MAP3K4: variants seen among roughly 807,000 people sequenced by gnomAD.
MAP3K4 encodes the protein MAP three kinase 1.
MAP3K4 carries 67 observed loss-of-function variants against 185.6 expected under a neutral mutation model. The observed-to-expected ratio is 0.36, with a 90% CI of 0.30 to 0.44. The LOEUF (loss-of-function observed/expected upper bound fraction) is 0.44. MAP3K4 is among the 20% of genes least tolerant of loss of function. The pLI is 1.00. For synonymous variants in MAP3K4, 702 were observed against 710.4 expected (o/e 0.99, Z 0.19); for missense variants, 1,551 against 1,995.1 (o/e 0.78, Z 4.24).
intron 1 of MAP3K4, among the ~76,000 whole-genome samples, chr6:161,020,530 C>T (rs145986201): frequency 6.6e-5 from 10 of 151,886 alleles, no homozygotes; most frequent in Middle Eastern, 3.4e-3. Context: ...TGGTAGTGCG[C>T]GCCTGTAGTC....
chr6:161,102,049 T>A, intron 18 of MAP3K4, 57 bp downstream of exon 18: 1 of 1,407,308 alleles, frequency 7.1e-7, no homozygotes. Context: ...TTGTCTCAGT[T>A]CACCAGTTTC....
At position 161,093,120 on chromosome 6, in the gene MAP3K4, G is replaced by C; in HGVS notation, c.3348+64G>C. The C allele has an allele frequency of 8.9e-7, 1 of 1,128,676 alleles. No homozygotes were observed. The highest frequency in any genetic ancestry group is 1.3e-6 in the Non-Finnish European group (1 of 758,070). 69.9% of individuals were successfully genotyped at this position (1,128,676 alleles called of 1,614,324 possible). A position where few individuals can be genotyped will look rare whatever the true frequency, so the allele number is the denominator to read the frequency against. On this transcript the variant is annotated intron_variant, in intron 14 of 26. Transcript: ENST00000392142. The surrounding 1 kb of genome is among the most constrained non-coding windows in gnomAD (Gnocchi z 5.2). ...GCCAGTCACTCCTTATTTTCTGGTT[G>C]TATATGTTTTATATGTAATAGTGGT...
intron 3 of MAP3K4, among the ~76,000 whole-genome samples, chr6:161,069,649 G>A (rs1360371522): frequency 1.3e-5 from 2 of 152,192 alleles, no homozygotes; most frequent in Admixed American, 1.3e-4. Flanking sequence ...ACTGTCTGCT[G>A]TAATCAGTGC....
chr6:161,057,377 A>G (rs1562511077), intron 3 of MAP3K4, among the ~76,000 whole-genome samples: 1 of 152,242 alleles, frequency 6.6e-6, no homozygotes, highest in Non-Finnish European at 1.5e-5. Flanking sequence ...AAACCAGTTT[A>G]GGTACAGTAG....
chr6:161,004,181 TG>T (rs1171566322), intron 1 of MAP3K4, among the ~76,000 whole-genome samples: 1 of 152,108 alleles, frequency 6.6e-6, no homozygotes, highest in African/African-American at 2.4e-5. Context: ...TGAAAACCAC[TG>T]GCCTGGAAGA....
intron 1 of MAP3K4, among the ~76,000 whole-genome samples, chr6:161,028,868 T>C (rs926357367): frequency 1.3e-5 from 2 of 152,158 alleles, no homozygotes; most frequent in South Asian, 2.1e-4. Flanking sequence ...CAGCTGTAGA[T>C]TGATGATAAA....
intron 3 of MAP3K4, among the ~76,000 whole-genome samples, chr6:161,059,334 A>G (rs1784386887): frequency 6.6e-6 from 1 of 151,986 alleles, no homozygotes; most frequent in Non-Finnish European, 1.5e-5. Flanking sequence ...ATGGGGTTTC[A>G]TTATGTTGGC....
Position 161,049,750 on chromosome 6 carries a change from A to T in MAP3K4, c.1478A>T (p.Lys493Met), listed in dbSNP as rs1783916937. ...DIQSRDCISK[K>M]LERLESEDDS... ...CAGTCGCGGGACTGCATATCCAAGA[A>T]GCTTGAGAGGCTCGAATCTGAGGAT... Residue 493 changes from lysine to methionine, a missense_variant, in exon 3 of 27, where the codon AAG becomes ATG. Physicochemically the swap from Lys to Met is moderately conservative, Grantham distance 95. Around this residue, in one of 16 missense-constraint regions of MAP3K4, gnomAD observed 126 missense variants for 112.8 expected, o/e 1.12. Transcript: ENST00000392142. The surrounding 1 kb of genome is among the most constrained non-coding windows in gnomAD (Gnocchi z 8.4). The T allele has an allele frequency of 6.2e-7, 1 of 1,614,170 alleles. No individual in the cohort carries two copies. Among genetic ancestry groups the T allele is most frequent in the African/African-American group, 1.3e-5 (1 of 75,056 alleles).
At chr6:160,998,783 C>G (rs1781127920) in intron 1 of MAP3K4, among the ~76,000 whole-genome samples, 1 of 152,188 alleles carries the variant, frequency 6.6e-6, no homozygotes, top group South Asian at 2.1e-4. Context: ...AAGCGGTGTA[C>G]TTGAAATGTC....
intron 1 of MAP3K4, among the ~76,000 whole-genome samples, chr6:161,019,004 A>G (rs1182186635): frequency 6.6e-6 from 1 of 152,258 alleles, no homozygotes; most frequent in East Asian, 1.9e-4. Context: ...TGCAATGCAG[A>G]GAGAACAAAG....
At chr6:161,030,772 CTT>C (rs1217413221) in intron 1 of MAP3K4, among the ~76,000 whole-genome samples, 3 of 151,974 alleles carry the variant, frequency 2.0e-5, no homozygotes, top group East Asian at 3.9e-4. Context: ...GTGCTAGACT[CTT>C]TTTAAAAGAA....
In MAP3K4 at chr6:161,114,485, A is replaced by T. The variant is rs1156636246; in HGVS notation, c.4627-638A>T. On this transcript the variant is annotated intron_variant, in intron 25 of 26. Transcript: ENST00000392142. The surrounding 1 kb of genome is among the most constrained non-coding windows in gnomAD (Gnocchi z 4.3). ...AATATTAGCTAGCATTATTTCTATT[A>T]GCATTAAAATAGAAAGGCAGTTGTG... 6.6e-6 allele frequency among the ~76,000 whole-genome samples: 1 copy of T among 152,250 alleles called. No individual in the cohort carries two copies. The highest frequency in any genetic ancestry group is 1.5e-5 in the Non-Finnish European group (1 of 68,040).
chr6:161,075,211 G>A lies in MAP3K4; in HGVS notation c.2097+1599G>A, dbSNP rs1179159762. The stretch of plus-strand genomic sequence containing the variant: ...GCTCTGTCACCTAGACTGAAACGCA[G>A]TGGTGTGTTGACGGCTTCCTGTAGT... On this transcript the variant is annotated intron_variant, in intron 5 of 26. Transcript: ENST00000392142. This position sits in a 1 kb window ranked among gnomAD's most constrained non-coding sequence, Gnocchi z 4.3. 6.6e-6 allele frequency among the ~76,000 whole-genome samples: 1 copy of A among 152,212 alleles called. No homozygotes were observed. The highest frequency in any genetic ancestry group is 2.4e-5 in the African/African-American group (1 of 41,458).
In MAP3K4 at chr6:161,096,816, AT is replaced by A. The variant is rs145099919; in HGVS notation, c.3428-262del. 0.011 allele frequency: 4,017 copies of A among 354,892 alleles called. 161 individuals are homozygous for A. Among genetic ancestry groups the A allele is most frequent in the African/African-American group, 0.076 (3,679 of 48,600 alleles). 22.0% of individuals were successfully genotyped at this position (354,892 alleles called of 1,614,324 possible). ...GGGTTAAATCATTTGTTTAGCTTAC[AT>A]TATGTATGTTTTACTCCAGGATTTT... is the stretch of plus-strand genomic sequence containing the variant. On this transcript the variant is annotated intron_variant, in intron 15 of 26. Transcript: ENST00000392142. This position sits in a 1 kb window ranked among gnomAD's most constrained non-coding sequence, Gnocchi z 4.9.
intron 1 of MAP3K4, among the ~76,000 whole-genome samples, chr6:161,025,635 G>T (rs1275323242): frequency 6.6e-6 from 1 of 152,164 alleles, no homozygotes; most frequent in East Asian, 1.9e-4. Context: ...TTCTTCAGTT[G>T]CTTGATTTCT....
intron 3 of MAP3K4, among the ~76,000 whole-genome samples, chr6:161,058,509 C>CT (rs1206086708): frequency 6.6e-6 from 1 of 152,108 alleles, no homozygotes; most frequent in African/African-American, 2.4e-5. Context: ...GTATCTAACA[C>CT]TTTTTTAAAA....
chr6:161,109,138 T>G lies in MAP3K4; in HGVS notation c.4236+279T>G, dbSNP rs1778234742. On this transcript the variant is annotated intron_variant, in intron 22 of 26. Transcript: ENST00000392142. This position sits in a 1 kb window ranked among gnomAD's most constrained non-coding sequence, Gnocchi z 5.7. ...CTTCTAAAACGCCCCTTACACCACT[T>G]CTTGTGACTTTTTTTCCGTTTTTTT... 5.2e-6 allele frequency: 4 copies of G among 776,048 alleles called. No homozygotes were observed. The African/African-American group carries it at 7.0e-5, about 14-fold the overall frequency. 48.1% of individuals were successfully genotyped at this position (776,048 alleles called of 1,614,324 possible).
intron 1 of MAP3K4, among the ~76,000 whole-genome samples, chr6:161,000,806 C>CAT (rs1182703698): frequency 3.5e-5 from 5 of 142,596 alleles, no homozygotes; most frequent in East Asian, 3.9e-4. Context: ...TGTGTACACC[C>CAT]ATATATACAC....
chr6:160,997,856 A>C (rs1205429821), intron 1 of MAP3K4, among the ~76,000 whole-genome samples: 1 of 152,044 alleles, frequency 6.6e-6, no homozygotes, highest in East Asian at 1.9e-4. Context: ...GGATTTTTCA[A>C]ATTGGAGCTG....
Sources: allele counts gnomAD v4.1 joint callset (sites outside exome capture counted in the v4.1 genomes callset), GRCh38; gene constraint gnomAD v4.1.1; regional missense constraint gnomAD v4.1.1; non-coding constraint Gnocchi (gnomAD v3.1); transcripts MANE v1.5; gene names NCBI Gene and HGNC (gene_info 2026-07-23, HGNC 2026-07-21).